GABBR2: variants seen among roughly 807,000 people sequenced by gnomAD.
The protein encoded by GABBR2 is G-protein coupled receptor 51.
Under a neutral mutation model 105.6 loss-of-function variants are expected in GABBR2, and 23 were observed. That is an observed-to-expected ratio of 0.22 (90% CI 0.16 to 0.31). GABBR2 has a LOEUF of 0.31. GABBR2 is among the 10% of genes least tolerant of loss of function. GABBR2 has a pLI of 1.00. For synonymous variants in GABBR2, 478 were observed against 499.7 expected, an observed-to-expected ratio of 0.96 and a Z score of 0.58; for missense variants, 734 against 1,245.5, an observed-to-expected ratio of 0.59 and a Z score of 6.18.
At chr9:98,494,821 G>C (rs1260165793) in intron 4 of GABBR2, among the ~76,000 whole-genome samples, 1 of 152,232 alleles carries the variant, frequency 6.6e-6, no homozygotes, top group Non-Finnish European at 1.5e-5. Flanking sequence ...GCTGGTTGAT[G>C]GGTAGAGAGT....
chr9:98,616,852 T>C (rs1015700487), intron 1 of GABBR2, among the ~76,000 whole-genome samples: 1 of 152,228 alleles, frequency 6.6e-6, no homozygotes, highest in African/African-American at 2.4e-5. Context: ...CTGTGTTCTC[T>C]GGATAAGTGA....
chr9:98,300,517 G>A (rs1438125899), intron 16 of GABBR2, among the ~76,000 whole-genome samples: 4 of 152,220 alleles, frequency 2.6e-5, no homozygotes, highest in African/African-American at 7.2e-5. Flanking sequence ...TGGGCAATAT[G>A]AGTGTTGGTA....
In GABBR2 at chr9:98,346,944, T is replaced by A. The variant is rs543095900; in HGVS notation, c.1893+15771A>T. Among the ~76,000 whole-genome samples the A allele has an allele frequency of 3.9e-5, 6 of 152,360 alleles. No individual in the cohort carries two copies. The East Asian group carries it at 1.2e-3, about 29-fold the overall frequency. On this transcript the variant is annotated intron_variant, in intron 13 of 18. Coordinates refer to ENST00000259455, the MANE Select transcript of GABBR2 (RefSeq NM_005458.8). ...TTTATGGTTAAATAGTATCCCATTGTGTATATATACAGCACATTTTCTTTA... is the reference window on the plus strand; with the variant it reads ...TTTATGGTTAAATAGTATCCCATTGAGTATATATACAGCACATTTTCTTTA...
chr9:98,548,417 A>G (rs1564110919), intron 2 of GABBR2, among the ~76,000 whole-genome samples: 1 of 118,016 alleles, frequency 8.5e-6, no homozygotes, highest in African/African-American at 2.7e-5. Context: ...AACACAGTAC[A>G]TTAAATTCCC....
intron 2 of GABBR2, among the ~76,000 whole-genome samples, chr9:98,568,848 G>GT (rs1232278721): frequency 6.6e-6 from 1 of 152,118 alleles, no homozygotes. Context: ...CTCACCTCAT[G>GT]TGTGACATGC....
At chr9:98,442,973 T>C (rs948051519) in intron 7 of GABBR2, among the ~76,000 whole-genome samples, 1 of 152,198 alleles carries the variant, frequency 6.6e-6, no homozygotes, top group Admixed American at 6.5e-5. Flanking sequence ...AACAACCCTA[T>C]TTCCAAATAA....
At chr9:98,484,076 C>T (rs181246859) in intron 4 of GABBR2, among the ~76,000 whole-genome samples, 9 of 152,272 alleles carry the variant, frequency 5.9e-5, no homozygotes, top group African/African-American at 2.2e-4. Context: ...AATATCTGAC[C>T]AACCCCATGG....
chr9:98,505,710 C>A (rs1221223043), intron 3 of GABBR2, among the ~76,000 whole-genome samples: 1 of 152,060 alleles, frequency 6.6e-6, no homozygotes, highest in East Asian at 1.9e-4. Context: ...AAGGGGAAGT[C>A]CACGTGAAGA....
rs543399415 is a variant in GABBR2 at position 98,417,524 on chromosome 9, T to C, written c.1237-11383A>G. On this transcript the variant is annotated intron_variant, in intron 7 of 18. Coordinates refer to ENST00000259455, the MANE Select transcript of GABBR2 (RefSeq NM_005458.8). ...GTTCGGGGTTCTAGTCCCAGTTCTG[T>C]CCCCAACTCCATGTGTATTCATAAT... Among the ~76,000 whole-genome samples, 8 of 152,276 alleles carry C rather than the reference T, an allele frequency of 5.3e-5. No individual in the cohort carries two copies. The South Asian group carries it at 1.5e-3, about 28-fold the overall frequency.
chr9:98,410,580 G>A (rs1832571422), intron 7 of GABBR2, among the ~76,000 whole-genome samples: 1 of 150,896 alleles, frequency 6.6e-6, no homozygotes, highest in Admixed American at 6.6e-5. Context: ...GGTGTCTGTG[G>A]GGCCCAGCAG....
chr9:98,625,526 G>A (rs1181985095), intron 1 of GABBR2, among the ~76,000 whole-genome samples: 4 of 152,188 alleles, frequency 2.6e-5, no homozygotes, highest in Non-Finnish European at 5.9e-5. Flanking sequence ...AAAAGACCCT[G>A]AGCCTCTTCT....
Position 98,698,253 on chromosome 9 carries a change from C to T in GABBR2, c.321+10164G>A, listed in dbSNP as rs188937950. ...TGCTTCCGCCAGCAGCTGTGGAACA[C>T]GGGCATTGATGAAGACAGATGAGTC... On this transcript the variant is annotated intron_variant, in intron 1 of 18. Coordinates refer to ENST00000259455, the MANE Select transcript of GABBR2 (RefSeq NM_005458.8). 3.1e-3 allele frequency among the ~76,000 whole-genome samples: 474 copies of T among 152,222 alleles called. 1 individual carries two copies. The highest frequency in any genetic ancestry group is 0.014 in the Middle Eastern group (4 of 294).
chr9:98,548,759 T>G (rs1187562564), intron 2 of GABBR2, among the ~76,000 whole-genome samples: 3 of 120,392 alleles, frequency 2.5e-5, no homozygotes, highest in African/African-American at 8.0e-5. Context: ...ACAATTGTTA[T>G]TTTATGAGGC....
chr9:98,690,019 G>A (rs927498130), intron 1 of GABBR2, among the ~76,000 whole-genome samples: 22 of 152,122 alleles, frequency 1.4e-4, no homozygotes, highest in African/African-American at 5.1e-4. Context: ...ACTGAAATGA[G>A]ACCTACTTTA....
At chr9:98,574,064 G>A (rs986251329) in intron 2 of GABBR2, among the ~76,000 whole-genome samples, 2 of 152,238 alleles carry the variant, frequency 1.3e-5, no homozygotes, top group Non-Finnish European at 2.9e-5. Flanking sequence ...CACAGAGGAA[G>A]TGGTATCCGG....
At chr9:98,494,372 G>A (rs765781217) in intron 4 of GABBR2, among the ~76,000 whole-genome samples, 3 of 152,168 alleles carry the variant, frequency 2.0e-5, no homozygotes, top group Non-Finnish European at 4.4e-5. Flanking sequence ...GGGGATGACT[G>A]GACAAAGACT....
chr9:98,578,257 A>G (rs752845949), intron 1 of GABBR2, among the ~76,000 whole-genome samples, 185 bp from the exon 2 acceptor site: 60 of 152,182 alleles, frequency 3.9e-4, no homozygotes, highest in South Asian at 2.5e-3. Context: ...CTTGGCACCC[A>G]CTATCCTGTC....
At chr9:98,563,999 C>T (rs1313379473) in intron 2 of GABBR2, among the ~76,000 whole-genome samples, 1 of 151,888 alleles carries the variant, frequency 6.6e-6, no homozygotes, top group Non-Finnish European at 1.5e-5. Flanking sequence ...ACCAGTCGAT[C>T]TATTTTCTGA....
chr9:98,353,117 C>T (rs1229190224), intron 13 of GABBR2, among the ~76,000 whole-genome samples: 1 of 152,112 alleles, frequency 6.6e-6, no homozygotes, highest in Non-Finnish European at 1.5e-5. Context: ...AGGAGCTCTC[C>T]TTGGCTAGTA....
Sources: allele counts gnomAD v4.1 joint callset (sites outside exome capture counted in the v4.1 genomes callset), GRCh38; gene constraint gnomAD v4.1.1; transcripts MANE v1.5; gene names NCBI Gene and HGNC (gene_info 2026-07-23, HGNC 2026-07-21).